FER1L6: variants seen among roughly 807,000 people sequenced by gnomAD.
FER1L6 encodes fer-1 like family member 6, also known as fer-1-like protein 6.
FER1L6 carries 177 observed loss-of-function variants against 219.2 expected under a neutral mutation model. The ratio of observed to expected loss-of-function variants is 0.81; its 90% CI spans 0.71 to 0.91. The LOEUF is 0.91. FER1L6 is among the 40% of genes least tolerant of loss of function. The pLI is 0.00. For missense variants in FER1L6, 2,153 were observed against 2,259.9 expected (o/e 0.95, Z 0.96); for synonymous variants, 768 against 824.3 (o/e 0.93, Z 1.17).
chr8:123,979,716 G>A (rs969723764), intron 10 of FER1L6, among the ~76,000 whole-genome samples: 1 of 152,156 alleles, frequency 6.6e-6, no homozygotes, highest in Admixed American at 6.5e-5. Flanking sequence ...AGTTCAAGAC[G>A]CTGGTCTTCA....
At chr8:123,881,032 T>C (rs1817099673) in intron 1 of FER1L6, among the ~76,000 whole-genome samples, 1 of 152,224 alleles carries the variant, frequency 6.6e-6, no homozygotes, top group Admixed American at 6.5e-5. Flanking sequence ...TAATCATGTC[T>C]GTTGCAATGA....
intron 1 of FER1L6, among the ~76,000 whole-genome samples, chr8:123,922,529 AG>A (rs1474064355): frequency 1.3e-5 from 2 of 152,086 alleles, no homozygotes; most frequent in Non-Finnish European, 2.9e-5. Flanking sequence ...GCCCATCGTG[AG>A]GGGGAACTAA....
intron 10 of FER1L6, 59 bp downstream of exon 10, chr8:123,977,668 A>G (rs1430993896): frequency 5.3e-6 from 8 of 1,517,306 alleles, no homozygotes; most frequent in Admixed American, 1.8e-5. Flanking sequence ...TAGAGCCCTC[A>G]TCTTTAAAAG....
intron 39 of FER1L6, among the ~76,000 whole-genome samples, chr8:124,117,147 T>C (rs1009604716): frequency 1.1e-4 from 17 of 152,244 alleles, no homozygotes; most frequent in African/African-American, 3.9e-4. Flanking sequence ...TTTGGTATCA[T>C]ACAGACCTGG....
chr8:123,876,285 T>C (rs1340477064), intron 1 of FER1L6, among the ~76,000 whole-genome samples: 2 of 152,118 alleles, frequency 1.3e-5, no homozygotes, highest in African/African-American at 4.8e-5. Context: ...ATACTCTTTG[T>C]GGCTTGCTTC....
chr8:124,032,526 T>C (rs1478011199), intron 18 of FER1L6, among the ~76,000 whole-genome samples: 2 of 152,034 alleles, frequency 1.3e-5, no homozygotes, highest in African/African-American at 4.8e-5. Flanking sequence ...TCCAGGAGTT[T>C]GAGATGACCC....
chr8:124,043,633 A>G (rs1819598713), intron 20 of FER1L6, among the ~76,000 whole-genome samples: 1 of 152,246 alleles, frequency 6.6e-6, no homozygotes, highest in Admixed American at 6.5e-5. Context: ...TGGCTGATAA[A>G]TGGAAGAGCG....
intron 1 of FER1L6, among the ~76,000 whole-genome samples, chr8:123,873,153 T>A (rs1440441689): frequency 6.6e-6 from 1 of 152,196 alleles, no homozygotes; most frequent in Non-Finnish European, 1.5e-5. Context: ...ATGATCCATT[T>A]TGGGGATTAT....
intron 1 of FER1L6, among the ~76,000 whole-genome samples, chr8:123,920,216 T>C (rs1813319669): frequency 6.6e-6 from 1 of 152,176 alleles, no homozygotes; most frequent in Admixed American, 6.5e-5. Flanking sequence ...CTGGAGCAAG[T>C]GGACTTGGTC....
Position 123,952,087 on chromosome 8 carries a change from CGTGTACAG to C in FER1L6, c.-7-3904_-7-3897del, listed in dbSNP as rs879741266. ...GGTGGACATGACATTACATTAGCTA[CGTGTACAG>C]CTTTTAATAGTTCAGCATGAGGGAT... is the stretch of plus-strand genomic sequence containing the variant. On this transcript the variant is annotated intron_variant, in intron 1 of 40. Transcript: ENST00000522917. Among the ~76,000 whole-genome samples, 442 of 152,256 alleles carry C rather than the reference CGTGTACAG, an allele frequency of 2.9e-3. 1 individual carries two copies. The highest frequency in any genetic ancestry group is 4.6e-3 in the Non-Finnish European group (314 of 67,996).
intron 12 of FER1L6, among the ~76,000 whole-genome samples, chr8:123,998,663 G>C (rs1179570683): frequency 1.3e-5 from 2 of 152,068 alleles, no homozygotes; most frequent in Non-Finnish European, 2.9e-5. Flanking sequence ...TTCACCCCTG[G>C]CCCCAGATGG....
In FER1L6 at chr8:124,103,149, C is replaced by T. The variant is rs751901758; in HGVS notation, c.5129C>T (p.Thr1710Ile). The change falls in exon 39 of 41, where the codon ACC becomes ATC. Residue 1710 changes from threonine to isoleucine, a missense_variant. Thr to Ile is a moderately conservative substitution (Grantham distance 89). Transcript: ENST00000522917. Reference sequence around the variant, plus strand: ...TGTTAGGGTCATCTCTCCACAGGCACCCTGGAAATGAACCTCAACAGTTTC... The same window carrying T: ...TGTTAGGGTCATCTCTCCACAGGCATCCTGGAAATGAACCTCAACAGTTTC... ...ERLSSDDFLGTLEMNLNSFPR... is the reference protein window; with the variant it reads ...ERLSSDDFLGILEMNLNSFPR... 2.5e-6 allele frequency: 4 copies of T among 1,613,870 alleles called. No homozygotes were observed. Among genetic ancestry groups the T allele is most frequent in the Non-Finnish European group, 3.4e-6 (4 of 1,179,908 alleles).
chr8:123,891,352 A>G (rs1586443963), intron 1 of FER1L6, among the ~76,000 whole-genome samples: 2 of 152,316 alleles, frequency 1.3e-5, no homozygotes, highest in Admixed American at 1.3e-4. Context: ...GTTTTGTCGT[A>G]TAATATTTAA....
At chr8:123,990,216 C>T (rs1563728659) in intron 12 of FER1L6, among the ~76,000 whole-genome samples, 2 of 152,014 alleles carry the variant, frequency 1.3e-5, no homozygotes, top group Non-Finnish European at 2.9e-5. Context: ...TGCAGTAAGC[C>T]GAGATAGCAC....
intron 38 of FER1L6, among the ~76,000 whole-genome samples, chr8:124,101,800 A>G (rs1225016030): frequency 1.3e-5 from 2 of 152,250 alleles, no homozygotes; most frequent in African/African-American, 4.8e-5. Flanking sequence ...CCTGTGATAT[A>G]ACCTCAGGAG....
chr8:124,015,181 G>A (rs1455562156), intron 15 of FER1L6, among the ~76,000 whole-genome samples: 2 of 152,090 alleles, frequency 1.3e-5, no homozygotes, highest in Non-Finnish European at 2.9e-5. Flanking sequence ...AGTCTTGGAA[G>A]TGACAGCCCA....
intron 1 of FER1L6, among the ~76,000 whole-genome samples, chr8:123,899,433 T>G (rs1563677974): frequency 6.6e-6 from 1 of 152,184 alleles, no homozygotes; most frequent in Non-Finnish European, 1.5e-5. Flanking sequence ...GATGTATAGA[T>G]TGTGAAGATT....
intron 2 of FER1L6, among the ~76,000 whole-genome samples, chr8:123,962,417 G>A (rs1815330378): frequency 6.6e-6 from 1 of 152,022 alleles, no homozygotes; most frequent in African/African-American, 2.4e-5. Context: ...TTTAAGTATA[G>A]GAGTGCATGA....
chr8:123,976,336 A>G (rs1173155639), intron 9 of FER1L6, among the ~76,000 whole-genome samples: 2 of 152,114 alleles, frequency 1.3e-5, no homozygotes, highest in Non-Finnish European at 2.9e-5. Flanking sequence ...CCCTGTCTCA[A>G]CTAAAAACAC....
Sources: gnomAD v4.1 joint callset for allele counts (sites outside exome capture counted in the v4.1 genomes callset) on GRCh38, gnomAD v4.1.1 for gene constraint, MANE v1.5 for transcripts, NCBI Gene and HGNC (gene_info 2026-07-23, HGNC 2026-07-21) for gene names.